The following GRM7 variants were observed in gnomAD, a reference collection of about 807,000 sequenced individuals.
GRM7 encodes the protein glutamate metabotropic receptor 7.
Under a neutral mutation model 84.5 loss-of-function variants are expected in GRM7, and 35 were observed. The observed-to-expected ratio is 0.41, with a 90% CI of 0.32 to 0.55. The LOEUF (loss-of-function observed/expected upper bound fraction) is 0.55, where lower values mean the gene tolerates loss of function less well. GRM7 is among the 20% of genes least tolerant of loss of function. The probability of loss-of-function intolerance (pLI) is 0.19; values close to 1 mark genes in which losing one functional copy is unlikely to be tolerated. For missense variants in GRM7, 1,003 were observed against 1,194.6 expected (o/e 0.84, Z 2.36); for synonymous variants, 487 against 455.1 (o/e 1.07, Z -0.89).
chr3:7,056,098 G>GA (rs1400955011), intron 1 of GRM7, among the ~76,000 whole-genome samples: 4 of 152,008 alleles, frequency 2.6e-5, no homozygotes, highest in South Asian at 2.1e-4. Context: ...GATAGAGGGA[G>GA]AAAAAAACAC....
At chr3:7,198,485 G>T (rs959465731) in intron 2 of GRM7, among the ~76,000 whole-genome samples, 1 of 152,092 alleles carries the variant, frequency 6.6e-6, no homozygotes, top group African/African-American at 2.4e-5. Flanking sequence ...GATGCTCCTT[G>T]ACTTATAATG....
intron 1 of GRM7, among the ~76,000 whole-genome samples, chr3:6,949,454 G>A (rs575520633): frequency 3.3e-4 from 50 of 151,994 alleles, no homozygotes; most frequent in Non-Finnish European, 6.6e-4. Flanking sequence ...TCTCTTTGTG[G>A]GTAACCCGAC....
chr3:7,544,401 C>T lies in GRM7; in HGVS notation c.1516-34021C>T, dbSNP rs571327949. ...AAATTCCTGGCTTCAAGTCATCCTC[C>T]CTCCTCAGCCTCGCAAAGCACCGGG... On this transcript the variant is annotated intron_variant, in intron 7 of 9. Transcript: ENST00000357716. Among the ~76,000 whole-genome samples the T allele has an allele frequency of 2.6e-5, 4 of 152,204 alleles. No individual in the cohort carries two copies. In the South Asian group the frequency reaches 8.3e-4, roughly 32 times the overall value.
At chr3:7,068,544 G>A (rs1697751175) in intron 1 of GRM7, among the ~76,000 whole-genome samples, 1 of 151,954 alleles carries the variant, frequency 6.6e-6, no homozygotes, top group Non-Finnish European at 1.5e-5. Context: ...AGCATGCTGT[G>A]TACAACATTG....
chr3:7,442,322 A>G (rs1052825494), intron 5 of GRM7, among the ~76,000 whole-genome samples: 4 of 152,094 alleles, frequency 2.6e-5, no homozygotes, highest in Non-Finnish European at 2.9e-5. Flanking sequence ...TTGATTTTGT[A>G]TCCAGAAACT....
chr3:7,500,010 G>A (rs999914636), intron 7 of GRM7, among the ~76,000 whole-genome samples: 1 of 152,112 alleles, frequency 6.6e-6, no homozygotes, highest in South Asian at 2.1e-4. Context: ...TCCTGACCTT[G>A]TGATCTACCC....
At chr3:7,192,938 A>G (rs1319958164) in intron 2 of GRM7, among the ~76,000 whole-genome samples, 1 of 152,106 alleles carries the variant, frequency 6.6e-6, no homozygotes, top group Admixed American at 6.6e-5. Context: ...GAATTTTCTG[A>G]TCATTTCTTC....
chr3:7,158,876 T>C (rs1037668230), intron 2 of GRM7, among the ~76,000 whole-genome samples: 5 of 152,180 alleles, frequency 3.3e-5, no homozygotes, highest in Non-Finnish European at 7.4e-5. Flanking sequence ...GAAACATGTA[T>C]TTCCTAATTC....
intron 8 of GRM7, among the ~76,000 whole-genome samples, chr3:7,678,124 C>T (rs1700210748): frequency 6.6e-6 from 1 of 152,078 alleles, no homozygotes; most frequent in Non-Finnish European, 1.5e-5. Flanking sequence ...GTACTATCTT[C>T]AGTACCTGAG....
intron 4 of GRM7, among the ~76,000 whole-genome samples, chr3:7,332,309 G>A (rs947129935): frequency 2.0e-5 from 3 of 152,138 alleles, no homozygotes; most frequent in Non-Finnish European, 4.4e-5. Context: ...CTTAGGGAAA[G>A]AAATAGAACT....
intron 1 of GRM7, among the ~76,000 whole-genome samples, chr3:7,129,640 G>C (rs567039219): frequency 6.6e-6 from 1 of 152,126 alleles, no homozygotes; most frequent in East Asian, 1.9e-4. Flanking sequence ...CTTACTGCTT[G>C]AGAGATGAGT....
At chr3:6,962,094 G>A (rs483162) in intron 1 of GRM7, among the ~76,000 whole-genome samples, 49,685 of 151,872 alleles carry the variant, frequency 0.33, 9,198 homozygotes, top group African/African-American at 0.52. Context: ...TTTATGGTAC[G>A]TCCTCATTCA....
At chr3:7,038,877 C>T (rs1346158286) in intron 1 of GRM7, among the ~76,000 whole-genome samples, 1 of 152,036 alleles carries the variant, frequency 6.6e-6, no homozygotes, top group Non-Finnish European at 1.5e-5. Flanking sequence ...AATTATAATA[C>T]CCATGTACTT....
intron 7 of GRM7, among the ~76,000 whole-genome samples, chr3:7,551,459 C>A (rs1693470593): frequency 6.6e-6 from 1 of 152,086 alleles, no homozygotes; most frequent in South Asian, 2.1e-4. Flanking sequence ...TGTCTCTGAC[C>A]TAGGAGTCTT....
At chr3:7,079,410 G>A (rs1275576468) in intron 1 of GRM7, among the ~76,000 whole-genome samples, 2 of 152,146 alleles carry the variant, frequency 1.3e-5, no homozygotes, top group Non-Finnish European at 2.9e-5. Context: ...TCCAAGATAG[G>A]ATTAAAACCG....
chr3:6,956,914 A>G (rs1411141825), intron 1 of GRM7, among the ~76,000 whole-genome samples: 1 of 152,246 alleles, frequency 6.6e-6, no homozygotes, highest in Non-Finnish European at 1.5e-5. Context: ...ATATAAACTC[A>G]ATTAAAATAA....
intron 1 of GRM7, among the ~76,000 whole-genome samples, chr3:6,888,270 C>T (rs1423693531): frequency 6.6e-6 from 1 of 152,040 alleles, no homozygotes. Context: ...CTTTTGTTGC[C>T]ATTGCTTTTG....
intron 1 of GRM7, among the ~76,000 whole-genome samples, chr3:7,110,310 A>G (rs983521579): frequency 1.3e-5 from 2 of 152,052 alleles, no homozygotes; most frequent in Non-Finnish European, 2.9e-5. Context: ...AAAATATAAT[A>G]CTGATTCAGG....
chr3:7,406,405 CAGG>C (rs1460065143), intron 4 of GRM7, among the ~76,000 whole-genome samples: 1 of 151,874 alleles, frequency 6.6e-6, no homozygotes, highest in Non-Finnish European at 1.5e-5. Flanking sequence ...GAGGCTGAGG[CAGG>C]AGAATGGCGT....
Sources: gnomAD v4.1 joint callset for allele counts (sites outside exome capture counted in the v4.1 genomes callset) on GRCh38, gnomAD v4.1.1 for gene constraint, MANE v1.5 for transcripts, NCBI Gene and HGNC (gene_info 2026-07-23, HGNC 2026-07-21) for gene names.